The following TNNT2 variants were observed in gnomAD, a reference collection of about 807,000 sequenced individuals.
TNNT2 encodes troponin T2, cardiac type, also known as troponin T, cardiac muscle.
A neutral mutation model predicts 62.4 loss-of-function variants in TNNT2; 34 were observed. The ratio of observed to expected loss-of-function variants is 0.54; its 90% CI spans 0.41 to 0.72. The LOEUF (loss-of-function observed/expected upper bound fraction) is 0.72. TNNT2 is among the 30% of genes least tolerant of loss of function. TNNT2 has a pLI of 0.00. For synonymous variants in TNNT2, 123 were observed against 127.2 expected (o/e 0.97, Z 0.22); for missense variants, 275 against 381.9 (o/e 0.72, Z 2.33).
Position 201,365,278 on chromosome 1 carries a change from G to A in TNNT2, c.324C>T (p.Asp108=), listed in dbSNP as rs1553282545. The A allele has an allele frequency of 6.2e-7, 1 of 1,614,022 alleles. No individual in the cohort carries two copies. Among genetic ancestry groups the A allele is most frequent in the Non-Finnish European group, 8.5e-7 (1 of 1,180,022 alleles). The change falls in exon 10 of 17, where the codon GAC becomes GAT. Residue 108 remains aspartate (D), a synonymous_variant. Transcript: ENST00000656932. ...CGATCAGCGCCTGCAACTCATTCAG[G>A]TCCTTCTCCATGCGCTTCCGGTGGA... ...DDIHRKRMEK[D]LNELQALIEA...
intron 4 of TNNT2, among the ~76,000 whole-genome samples, chr1:201,371,388 GAATCATGACA>G (rs1660585366): frequency 6.6e-6 from 1 of 152,192 alleles, no homozygotes; most frequent in Non-Finnish European, 1.5e-5. Flanking sequence ...TGCAAGCTCA[GAATCATGACA>G]AATCTTCATG....
intron 10 of TNNT2, 24 bp downstream of exon 10, chr1:201,365,167 T>A: frequency 6.3e-7 from 1 of 1,575,878 alleles, no homozygotes; most frequent in African/African-American, 1.3e-5. Context: ...CAGAGAATGT[T>A]AGGTGGGCAG....
Position 201,368,154 on chromosome 1 carries a change from A to G in TNNT2, c.163+8T>C. ...CTGAGGCCCCTGCACCCTCAACCAGAGACTTACCTTCTGCCCTGGTCTCCT... is the reference window on the plus strand; with the variant it reads ...CTGAGGCCCCTGCACCCTCAACCAGGGACTTACCTTCTGCCCTGGTCTCCT... On this transcript the variant is annotated splice_region_variant and intron_variant, in intron 6 of 16. Transcript: ENST00000656932. 1.2e-6 allele frequency: 2 copies of G among 1,613,998 alleles called. No homozygotes were observed. The highest frequency in any genetic ancestry group is 1.7e-6 in the Non-Finnish European group (2 of 1,179,972).
At chr1:201,371,104 G>A (rs1014210175) in intron 4 of TNNT2, among the ~76,000 whole-genome samples, 2 of 152,176 alleles carry the variant, frequency 1.3e-5, no homozygotes, top group Non-Finnish European at 2.9e-5. Context: ...GAGCAAGGGC[G>A]GGGCCACCTG....
intron 4 of TNNT2, among the ~76,000 whole-genome samples, chr1:201,370,276 A>C (rs1660424315): frequency 1.3e-5 from 2 of 152,188 alleles, no homozygotes; most frequent in Admixed American, 6.5e-5. Context: ...TCCTGCCCTC[A>C]ACGAGCCTGC....
chr1:201,366,746 G>A (rs1036943501), intron 8 of TNNT2, 92 bp downstream of exon 8: 38 of 1,610,522 alleles, frequency 2.4e-5, no homozygotes, highest in Admixed American at 1.3e-4. Flanking sequence ...CCCCCAGCCC[G>A]TGTCCACTGC....
chr1:201,373,524 C>T (rs1660966948), intron 1 of TNNT2: 1 of 543,710 alleles, frequency 1.8e-6, no homozygotes, highest in East Asian at 3.2e-5. Context: ...GCCTGGGATG[C>T]TGCATTTCCA....
rs540630390 is a variant in TNNT2 at position 201,369,850 on chromosome 1, G to A, written c.68-5C>T. 2,876 of 1,614,188 alleles carry A rather than the reference G, an allele frequency of 1.8e-3. 52 individuals are homozygous for A. In the East Asian group the frequency reaches 0.05, roughly 28 times the overall value. On this transcript the variant is annotated splice_polypyrimidine_tract_variant and splice_region_variant and intron_variant, in intron 4 of 16. Coordinates refer to ENST00000656932, the MANE Select transcript of TNNT2 (RefSeq NM_001276345.2). ...CCTCTCTCCAGTCCTCCTCTTCTGA[G>A]GTTCAGGGAGTGGCCGCAGCGGAGG...
At chr1:201,359,541 T>G in intron 16 of TNNT2, 82 bp downstream of exon 16, 2 of 1,421,568 alleles carry the variant, frequency 1.4e-6, no homozygotes, top group South Asian at 1.2e-5. Context: ...CCTGGGGCCC[T>G]CCAAGGAGGA....
At chr1:201,366,991 C>T (rs774086897) in intron 7 of TNNT2, 120 bp from the exon 8 acceptor site, 3 of 1,547,484 alleles carry the variant, frequency 1.9e-6, no homozygotes, top group African/African-American at 1.4e-5. Flanking sequence ...GTGAGTCCCT[C>T]CCGGCACTGG....
chr1:201,360,859 T>C (rs561818343), intron 15 of TNNT2: 1 of 321,116 alleles, frequency 3.1e-6, no homozygotes, highest in East Asian at 8.1e-5. Context: ...GACTGTGAGC[T>C]TGAGGCTCAG....
At chr1:201,368,321 T>C in intron 5 of TNNT2, 94 bp from the exon 6 acceptor site, 1 of 1,318,514 alleles carries the variant, frequency 7.6e-7, no homozygotes, top group Non-Finnish European at 1.1e-6. Context: ...GGAGTGGGGA[T>C]GGGGGTCAAG....
chr1:201,365,095 C>G (rs1008272790), intron 10 of TNNT2, 96 bp downstream of exon 10: 1 of 1,084,250 alleles, frequency 9.2e-7, no homozygotes, highest in African/African-American at 1.5e-5. Context: ...TTTGAGGCGC[C>G]GAGGAAGGCT....
At position 201,361,669 on chromosome 1, in the gene TNNT2, G is replaced by A. The variant is rs1003325283; in HGVS notation, c.719+244C>T. Among the ~76,000 whole-genome samples the A allele has an allele frequency of 2.0e-5, 3 of 152,372 alleles. No individual in the cohort carries two copies. In the East Asian group the frequency reaches 5.8e-4, roughly 29 times the overall value. ...CAATCCCCTGTCCTGACACCCGTGT[G>A]CAGGTGGGTAGGTGAAGCTCAGAGG... is the stretch of plus-strand genomic sequence containing the variant. On this transcript the variant is annotated intron_variant, in intron 14 of 16. Coordinates refer to ENST00000656932, the MANE Select transcript of TNNT2 (RefSeq NM_001276345.2).
intron 12 of TNNT2, 27 bp from the exon 13 acceptor site, chr1:201,362,421 G>A: frequency 6.2e-7 from 1 of 1,612,822 alleles, no homozygotes; most frequent in Non-Finnish European, 8.5e-7. Context: ...TGAGAGAGAG[G>A]CCCATAGAAA....
At chr1:201,362,444 G>A in intron 12 of TNNT2, 50 bp from the exon 13 acceptor site, 2 of 1,600,960 alleles carry the variant, frequency 1.2e-6, no homozygotes, top group Non-Finnish European at 1.7e-6. Flanking sequence ...GACCAAGACG[G>A]CAACAGAGAC....
intron 1 of TNNT2, chr1:201,374,645 C>T (rs73076669): frequency 0.078 from 11,921 of 152,254 alleles, 934 homozygotes; most frequent in African/African-American, 0.2. Flanking sequence ...TTAACCTCCC[C>T]ACATCTCAGC....
At chr1:201,371,993 CCTTT>C in intron 4 of TNNT2, 30 bp downstream of exon 4, 1 of 1,613,956 alleles carries the variant, frequency 6.2e-7, no homozygotes, top group Non-Finnish European at 8.5e-7. Flanking sequence ...TGAGCCTGCC[CCTTT>C]CTGGCTCTCC....
At chr1:201,366,305 G>A in intron 8 of TNNT2, 1 of 1,024,618 alleles carries the variant, frequency 9.8e-7, no homozygotes, top group Non-Finnish European at 1.2e-6. Context: ...AGGTGCCATG[G>A]GTCAACCTCT....
Sources: gnomAD v4.1 joint callset for allele counts (sites outside exome capture counted in the v4.1 genomes callset) on GRCh38, gnomAD v4.1.1 for gene constraint, MANE v1.5 for transcripts, NCBI Gene and HGNC (gene_info 2026-07-23, HGNC 2026-07-21) for gene names.